PDXDC1: variants seen among roughly 807,000 people sequenced by gnomAD.
PDXDC1 encodes the protein pyridoxal dependent decarboxylase domain containing 1.
Under a neutral mutation model 100.1 loss-of-function variants are expected in PDXDC1, and 42 were observed. The ratio of observed to expected loss-of-function variants is 0.42; its 90% confidence interval spans 0.33 to 0.54. The LOEUF is 0.54. PDXDC1 is among the 20% of genes least tolerant of loss of function. The pLI, the probability that PDXDC1 is intolerant of heterozygous loss-of-function variation, is 0.10. For synonymous variants in PDXDC1, 260 were observed against 371.7 expected (o/e 0.70, Z 3.46); for missense variants, 636 against 979.2 (o/e 0.65, Z 4.68).
chr16:15,014,980 C>T (rs1325336421), intron 8 of PDXDC1, among the ~76,000 whole-genome samples: 1 of 152,286 alleles, frequency 6.6e-6, no homozygotes, highest in Admixed American at 6.5e-5. Flanking sequence ...CTTTGTTGCC[C>T]AGGCTGGAGT....
chr16:15,047,683 TC>T, intron 16 of PDXDC1: 1 of 909,136 alleles, frequency 1.1e-6, no homozygotes, highest in Non-Finnish European at 1.8e-6. Flanking sequence ...AGGTCTGTGC[TC>T]CCCAGCCAAC....
downstream of PDXDC1, among the ~76,000 whole-genome samples, chr16:15,142,225 A>T (rs2048486693): frequency 6.6e-6 from 1 of 152,218 alleles, no homozygotes; most frequent in Non-Finnish European, 1.5e-5. Flanking sequence ...AGGTCAGCCG[A>T]GGACCCCAGA....
At chr16:15,019,677 C>CT (rs1265911463) in intron 12 of PDXDC1, among the ~76,000 whole-genome samples, 1 of 152,280 alleles carries the variant, frequency 6.6e-6, no homozygotes, top group East Asian at 1.9e-4. Context: ...CCTTGAGCCT[C>CT]TTTCAGAAGG....
intron 13 of PDXDC1, 174 bp from the exon 14 acceptor site, chr16:15,026,469 A>G (rs922554335): frequency 1.6e-6 from 1 of 621,784 alleles, no homozygotes; most frequent in Non-Finnish European, 2.8e-6. Flanking sequence ...GTTATTTTTT[A>G]AAATTTTACT....
At chr16:15,032,777 C>T (rs1422939182) in intron 17 of PDXDC1, 84 bp from the exon 18 acceptor site, 1 of 824,982 alleles carries the variant, frequency 1.2e-6, no homozygotes. Context: ...CATTGTCTTG[C>T]TAATATTTAG....
At chr16:15,123,593 A>T in intron 16 of PDXDC1, 1 of 669,184 alleles carries the variant, frequency 1.5e-6, no homozygotes, top group Non-Finnish European at 2.6e-6. Context: ...AAATGTACAT[A>T]CATTCATTTT....
rs866527396 is a variant in PDXDC1, at chr16:15,130,510, G to C, written c.1400-8369G>C. 1.0e-5 allele frequency: 14 copies of C among 1,340,780 alleles called. No homozygotes were observed. The Admixed American group carries it at 1.2e-4, about 11-fold the overall frequency. 83.1% of individuals were successfully genotyped at this position (1,340,780 alleles called of 1,614,324 possible). A position where few individuals can be genotyped will look rare whatever the true frequency, so the allele number is the denominator to read the frequency against. Reference sequence around the variant, plus strand: ...CCAGGCTCCGCCAGGTTGGATATCGGAGTCCCAGAGCCCATACCCGGTCCA... The same window carrying C: ...CCAGGCTCCGCCAGGTTGGATATCGCAGTCCCAGAGCCCATACCCGGTCCA... On this transcript the variant is annotated intron_variant, in intron 16 of 16. Coordinates refer to the PDXDC1 transcript ENST00000535621.
At chr16:15,022,838 G>T (rs1432835715) in intron 13 of PDXDC1, 84 bp downstream of exon 13, 27 of 1,096,844 alleles carry the variant, frequency 2.5e-5, no homozygotes, top group Non-Finnish European at 3.5e-5. Context: ...ACTTTAGAAT[G>T]ATTTTCTCCA....
intron 16 of PDXDC1, among the ~76,000 whole-genome samples, chr16:15,091,145 C>T (rs1323980348): frequency 6.6e-6 from 1 of 151,988 alleles, no homozygotes; most frequent in Non-Finnish European, 1.5e-5. Context: ...CAGCCATCAC[C>T]AAATGTCTTC....
intron 1 of PDXDC1, chr16:14,989,019 A>C: frequency 6.2e-7 from 1 of 1,614,256 alleles, no homozygotes; most frequent in South Asian, 1.1e-5. Flanking sequence ...CCTGTGGCTC[A>C]GGGAGGGGCT....
chr16:15,072,134 T>A (rs58923875), intron 16 of PDXDC1, among the ~76,000 whole-genome samples: 8,472 of 152,056 alleles, frequency 0.056, 386 homozygotes, highest in African/African-American at 0.12. Context: ...GGCACACCCA[T>A]GTGGGCAGAC....
intron 16 of PDXDC1, among the ~76,000 whole-genome samples, chr16:15,112,290 C>T (rs1319403839): frequency 6.8e-6 from 1 of 147,992 alleles, no homozygotes; most frequent in Non-Finnish European, 1.5e-5. Flanking sequence ...GCTACCTTGG[C>T]TCACGGCAAC....
rs1264505595 is a variant in PDXDC1, at chr16:15,114,636, AATC to A, written c.1400-24239_1400-24237del. 1.0e-4 allele frequency: 93 copies of A among 923,590 alleles called. No homozygotes were observed. In the African/African-American group the frequency reaches 1.5e-3, roughly 15 times the overall value. The allele number at this position is 923,590 out of a possible 1,614,324, so 57.2% of individuals were successfully genotyped here. On this transcript the variant is annotated intron_variant, in intron 16 of 16. Coordinates refer to the PDXDC1 transcript ENST00000535621. ...CACTGACAATATTTCACTCAGAAAG[AATC>A]ATCCTTAGAAACCGTCAACCTCCTC...
intron 16 of PDXDC1, among the ~76,000 whole-genome samples, chr16:15,088,249 G>A (rs957865046): frequency 7.2e-5 from 11 of 152,196 alleles, no homozygotes; most frequent in Admixed American, 5.2e-4. Context: ...CAAGGCAGGA[G>A]GAGACTGCTT....
rs554582036 is a variant in PDXDC1, at chr16:15,069,955, C to A, written c.1399+39899C>A. On this transcript the variant is annotated intron_variant, in intron 16 of 16. Coordinates refer to the PDXDC1 transcript ENST00000535621. Reference sequence around the variant, plus strand: ...AATTATTATTAAAAGTTTGAGTGCACATGCAGTTTTCTGAATCCAGTTTTT... The same window carrying A: ...AATTATTATTAAAAGTTTGAGTGCAAATGCAGTTTTCTGAATCCAGTTTTT... 6.9e-6 allele frequency: 10 copies of A among 1,452,186 alleles called. No homozygotes were observed. The South Asian group carries it at 1.0e-4, about 14-fold the overall frequency. 90.0% of individuals were successfully genotyped at this position (1,452,186 alleles called of 1,614,324 possible). A position where few individuals can be genotyped will look rare whatever the true frequency, so the allele number is the denominator to read the frequency against.
intron 8 of PDXDC1, among the ~76,000 whole-genome samples, chr16:15,013,348 CAAAAAAAAAAGAAAAA>C (rs1401687967): frequency 8.9e-6 from 1 of 111,836 alleles, no homozygotes; most frequent in Non-Finnish European, 1.7e-5. Flanking sequence ...GACCCTATCT[CAAAAAAAAAAGAAAAA>C]AAAAAAAAAA....
intron 16 of PDXDC1, chr16:15,047,391 T>C: frequency 8.4e-7 from 1 of 1,191,306 alleles, no homozygotes; most frequent in Non-Finnish European, 1.3e-6. Context: ...ACGTCCTGTA[T>C]GCGACGGTTC....
At chr16:15,033,156 C>T (rs1597684221) in intron 18 of PDXDC1, 122 bp from the exon 19 acceptor site, 1 of 1,181,292 alleles carries the variant, frequency 8.5e-7, no homozygotes, top group Non-Finnish European at 1.2e-6. Context: ...TCTCTCCGCC[C>T]TTAGAATCTC....
In PDXDC1 at chr16:15,031,728, T is replaced by C; in HGVS notation, c.1400-7T>C. 6.2e-7 allele frequency: 1 copy of C among 1,606,128 alleles called. No homozygotes were observed. Among genetic ancestry groups the C allele is most frequent in the South Asian group, 1.1e-5 (1 of 90,910 alleles). The stretch of plus-strand genomic sequence containing the variant: ...GAGCATTTCTCTGACATTGTGAACA[T>C]CTTCAGTTTTAGGAACTCGGGGAGA... On this transcript the variant is annotated splice_polypyrimidine_tract_variant and splice_region_variant and intron_variant, in intron 16 of 22. Transcript: ENST00000396410.
Sources: gnomAD v4.1 joint callset for allele counts (sites outside exome capture counted in the v4.1 genomes callset) on GRCh38, gnomAD v4.1.1 for gene constraint, MANE v1.5 for transcripts, NCBI Gene and HGNC (gene_info 2026-07-23, HGNC 2026-07-21) for gene names.